TIMP2: variants seen among roughly 807,000 people sequenced by gnomAD.
TIMP2 encodes the protein TIMP metallopeptidase inhibitor 2.
A neutral mutation model predicts 24.3 loss-of-function variants in TIMP2; 5 were observed. The observed-to-expected ratio is 0.21, with a 90% confidence interval of 0.11 to 0.43. TIMP2 has a LOEUF of 0.43. Ranked by LOEUF, TIMP2 falls within the 20% of genes least tolerant of loss-of-function variation. The pLI, the probability that TIMP2 is intolerant of heterozygous loss-of-function variation, is 1.00. For synonymous variants in TIMP2, 130 were observed against 123.2 expected (o/e 1.06, Z -0.37); for missense variants, 221 against 297.5 (o/e 0.74, Z 1.89).
chr17:78,917,848 G>T (rs1026656250), intron 1 of TIMP2, among the ~76,000 whole-genome samples: 1 of 152,184 alleles, frequency 6.6e-6, no homozygotes, highest in South Asian at 2.1e-4. Context: ...CAGGGCGGCC[G>T]AGTGCAGAAT....
intron 1 of TIMP2, 58 bp from the exon 2 acceptor site, chr17:78,873,977 A>T: frequency 6.5e-7 from 1 of 1,529,104 alleles, no homozygotes; most frequent in East Asian, 2.3e-5. Context: ...CCTGGGGCTA[A>T]GGAGAGGGAT....
At chr17:78,897,094 C>T in intron 1 of TIMP2, 1 of 667,734 alleles carries the variant, frequency 1.5e-6, no homozygotes, top group Non-Finnish European at 1.8e-6. Context: ...CCACAGACAG[C>T]ACCCCCCCGC....
At chr17:78,899,139 G>A (rs1424439744) in intron 1 of TIMP2, 1 of 152,308 alleles carries the variant, frequency 6.6e-6, no homozygotes, top group African/African-American at 2.4e-5. Flanking sequence ...GCTGCCATCT[G>A]GGGGACCACG....
At chr17:78,917,805 G>A (rs1023151354) in intron 1 of TIMP2, among the ~76,000 whole-genome samples, 2 of 152,138 alleles carry the variant, frequency 1.3e-5, no homozygotes, top group Non-Finnish European at 2.9e-5. Flanking sequence ...GACTCCCCTC[G>A]TGGTGGTAGT....
At chr17:78,895,059 T>A (rs891182099) in intron 1 of TIMP2, among the ~76,000 whole-genome samples, 2 of 152,016 alleles carry the variant, frequency 1.3e-5, no homozygotes, top group Non-Finnish European at 2.9e-5. Flanking sequence ...GGCGGGCGGA[T>A]CACTTGAGGT....
chr17:78,883,561 G>A (rs952865484), intron 1 of TIMP2, among the ~76,000 whole-genome samples: 1 of 152,196 alleles, frequency 6.6e-6, no homozygotes, highest in African/African-American at 2.4e-5. Context: ...AGCCTCAGCC[G>A]GGGCCACACC....
intron 1 of TIMP2, among the ~76,000 whole-genome samples, chr17:78,917,004 C>T (rs960332183): frequency 6.6e-6 from 1 of 152,220 alleles, no homozygotes; most frequent in Non-Finnish European, 1.5e-5. Flanking sequence ...TCTTCGCATT[C>T]CTGCGCTCAC....
intron 1 of TIMP2, among the ~76,000 whole-genome samples, chr17:78,893,773 T>A (rs1159586784): frequency 6.6e-6 from 1 of 152,078 alleles, no homozygotes; most frequent in African/African-American, 2.4e-5. Context: ...CCTTTTATAA[T>A]GATCAGAGAA....
rs1160281269 is a variant in TIMP2 at position 78,924,105 on chromosome 17, C to T, written c.130+854G>A. Among the ~76,000 whole-genome samples, 1 of 152,226 alleles carries T rather than the reference C, an allele frequency of 6.6e-6. No individual in the cohort carries two copies. The highest frequency in any genetic ancestry group is 6.5e-5 in the Admixed American group (1 of 15,288). On this transcript the variant is annotated intron_variant, in intron 1 of 4. Transcript: ENST00000262768. The surrounding 1 kb of genome is among the most constrained non-coding windows in gnomAD (Gnocchi z 5.3). ...TCGAGCCAGCGGGTTCCTCCCATTT[C>T]TGCTGGTCCTCCCCCTCCATGGATC...
At chr17:78,906,609 G>A (rs974757395) in intron 1 of TIMP2, among the ~76,000 whole-genome samples, 15 of 151,896 alleles carry the variant, frequency 9.9e-5, no homozygotes, top group African/African-American at 3.4e-4. Flanking sequence ...TTGAGACAGA[G>A]TCTCGCTCTG....
intron 1 of TIMP2, among the ~76,000 whole-genome samples, chr17:78,875,826 T>C (rs919332064): frequency 2.6e-5 from 4 of 152,172 alleles, no homozygotes; most frequent in Non-Finnish European, 5.9e-5. Flanking sequence ...GGGTGCTCCA[T>C]CTGTGTCCAT....
chr17:78,892,230 C>T (rs747302803), intron 1 of TIMP2: 467 of 1,550,900 alleles, frequency 3.0e-4, no homozygotes, highest in Admixed American at 1.0e-3. Flanking sequence ...CTCTGCAGAG[C>T]GAGATCGCCT....
At chr17:78,857,420 C>CG (rs2069532502) in intron 4 of TIMP2, 102 bp downstream of exon 4, 2 of 1,495,896 alleles carry the variant, frequency 1.3e-6, no homozygotes, top group Admixed American at 3.5e-5. Context: ...GATCAGGAGC[C>CG]GGGGATTAAC....
At chr17:78,910,983 C>G (rs879800674) in intron 1 of TIMP2, among the ~76,000 whole-genome samples, 1 of 152,172 alleles carries the variant, frequency 6.6e-6, no homozygotes, top group African/African-American at 2.4e-5. Flanking sequence ...AATGCCCAGT[C>G]GTGGGACTGC....
At position 78,891,717 on chromosome 17, in the gene TIMP2, T is replaced by C. The variant is rs952149027; in HGVS notation, c.131-17798A>G. ...TTCTCTTTTTCCTCCACAAGCCCGA[T>C]TTCTCCCACAGCAGCCACGAGTGGG... is the stretch of plus-strand genomic sequence containing the variant. On this transcript the variant is annotated intron_variant, in intron 1 of 4. Transcript: ENST00000262768. This position sits in a 1 kb window ranked among gnomAD's most constrained non-coding sequence, Gnocchi z 4.5. 10 of 1,551,068 alleles carry C rather than the reference T, an allele frequency of 6.4e-6. No individual in the cohort carries two copies. The African/African-American group carries it at 1.2e-4, about 19-fold the overall frequency.
At chr17:78,881,394 C>T (rs1315086478) in intron 1 of TIMP2, among the ~76,000 whole-genome samples, 2 of 152,224 alleles carry the variant, frequency 1.3e-5, no homozygotes, top group Admixed American at 1.3e-4. Context: ...GTGCCAAAGA[C>T]CCTACTGGCC....
At chr17:78,918,109 TAC>T (rs2070279391) in intron 1 of TIMP2, among the ~76,000 whole-genome samples, 2 of 130,350 alleles carry the variant, frequency 1.5e-5, no homozygotes, top group Non-Finnish European at 1.7e-5. Context: ...CAACTTCACT[TAC>T]AGTTTCCGGG....
chr17:78,881,200 G>C (rs139840735), intron 1 of TIMP2, among the ~76,000 whole-genome samples: 1,597 of 152,346 alleles, frequency 0.01, 19 homozygotes, highest in Non-Finnish European at 0.017. Flanking sequence ...CCTCCCAGCC[G>C]TCCACCCTCT....
In TIMP2 at chr17:78,855,534, G is replaced by A. The variant is rs547793057; in HGVS notation, c.*133C>T. On this transcript the variant is annotated 3_prime_UTR_variant, in exon 5 of 5. Coordinates refer to ENST00000262768, the MANE Select transcript of TIMP2 (RefSeq NM_003255.5). The surrounding 1 kb of genome is among the most constrained non-coding windows in gnomAD (Gnocchi z 6.0). ...TGTCTAAAAGGAGAAGGGGGGAGCA[G>A]AATCATATTAATTTGGACCCATGGG... 210 of 1,072,604 alleles carry A rather than the reference G, an allele frequency of 2.0e-4. 1 individual carries two copies. The African/African-American group carries it at 3.1e-3, about 16-fold the overall frequency. The allele number at this position is 1,072,604 out of a possible 1,614,324, so 66.4% of individuals were successfully genotyped here. A position where few individuals can be genotyped will look rare whatever the true frequency, so the allele number is the denominator to read the frequency against.
Sources: allele counts gnomAD v4.1 joint callset (sites outside exome capture counted in the v4.1 genomes callset), GRCh38; gene constraint gnomAD v4.1.1; non-coding constraint Gnocchi (gnomAD v3.1); transcripts MANE v1.5; gene names NCBI Gene and HGNC (gene_info 2026-07-23, HGNC 2026-07-21).